The following SMIM27 variants were observed in gnomAD, a reference collection of about 807,000 sequenced individuals.
SMIM27 encodes the protein TOPORS antisense RNA 1 (non-protein coding).
SMIM27 carries 3 observed loss-of-function variants against 1.8 expected under a neutral mutation model. The observed-to-expected ratio is 1.65, with a 90% confidence interval of 0.75 to 4.28. SMIM27 has a LOEUF of 4.28. SMIM27 is among the 30% of genes most tolerant of loss of function. The probability of loss-of-function intolerance (pLI) is 0.02; values close to 1 mark genes in which losing one functional copy is unlikely to be tolerated. For synonymous variants in SMIM27, 19 were observed against 13.9 expected (o/e 1.37, Z -0.82); for missense variants, 63 against 37.0 (o/e 1.70, Z -1.83).
downstream of SMIM27, among the ~76,000 whole-genome samples, chr9:32,556,264 T>A (rs192083957): frequency 2.5e-4 from 38 of 152,274 alleles, no homozygotes; most frequent in African/African-American, 8.7e-4. Flanking sequence ...CAGATAATAT[T>A]TGGGAAGATG....
At chr9:32,563,391 GAGTAC>G in intron 1 of SMIM27, among the ~76,000 whole-genome samples, 1 of 151,496 alleles carries the variant, frequency 6.6e-6, no homozygotes, top group East Asian at 1.9e-4. Flanking sequence ...AGGATGGCTG[GAGTAC>G]AGTGGGCAGC....
chr9:32,551,728 T>A (rs898759801), upstream of SMIM27: 40 of 422,330 alleles, frequency 9.5e-5, no homozygotes, highest in Admixed American at 5.7e-4. Context: ...TGCTCGGGGC[T>A]TAGTATCTCA....
At chr9:32,559,025 A>G in intron 1 of SMIM27, 1 of 1,107,170 alleles carries the variant, frequency 9.0e-7, no homozygotes, top group Non-Finnish European at 1.3e-6. Flanking sequence ...AATAGGTCAT[A>G]CCCCAAATTT....
In SMIM27 at chr9:32,566,063, G is replaced by C. The variant is rs1821777456; in HGVS notation, c.46-328G>C. On this transcript the variant is annotated intron_variant, in intron 1 of 1. Coordinates refer to the SMIM27 transcript ENST00000451672. ...TTAAGGTTTTTTCCAGGAGCTACTG[G>C]AGTGACCAAAAAAAAAAAAAGGCAC... The C allele has an allele frequency of 1.2e-5, 5 of 411,120 alleles. No individual in the cohort carries two copies. The South Asian group carries it at 1.3e-4, about 10-fold the overall frequency. 25.5% of individuals were successfully genotyped at this position (411,120 alleles called of 1,614,324 possible).
chr9:32,553,489 G>A (rs572171226), downstream of SMIM27: 117 of 196,282 alleles, frequency 6.0e-4, no homozygotes, highest in Non-Finnish European at 1.0e-3. Flanking sequence ...GCGCCTGGCC[G>A]GAAAGATTTC....
chr9:32,559,950 A>C (rs1821581347), intron 1 of SMIM27, among the ~76,000 whole-genome samples: 1 of 152,194 alleles, frequency 6.6e-6, no homozygotes, highest in South Asian at 2.1e-4. Flanking sequence ...TTATGCATAT[A>C]CATCTGCACA....
rs145570231 is a variant in SMIM27 at position 32,558,912 on chromosome 9, G to A, written c.45+6433G>A. 3.9e-5 allele frequency: 62 copies of A among 1,571,434 alleles called. No homozygotes were observed. In the African/African-American group the frequency reaches 7.7e-4, roughly 20 times the overall value. ...AAATCAGAAGTGTTAAGACTTACAG[G>A]GAATATTCTGGACTTCTTTTCAACT... On this transcript the variant is annotated intron_variant, in intron 1 of 1. Coordinates refer to the SMIM27 transcript ENST00000451672.
chr9:32,554,996 C>G (rs1160619260), downstream of SMIM27, among the ~76,000 whole-genome samples: 2 of 151,768 alleles, frequency 1.3e-5, no homozygotes, highest in Admixed American at 6.6e-5. Context: ...CTTTAAGAAG[C>G]ATGAGCTCAG....
chr9:32,560,141 A>G (rs1248404289), intron 1 of SMIM27, among the ~76,000 whole-genome samples: 1 of 152,242 alleles, frequency 6.6e-6, no homozygotes, highest in Non-Finnish European at 1.5e-5. Flanking sequence ...CAAAGGAGTG[A>G]GCTGAAGCAA....
chr9:32,566,785 C>G, exon 2 of SMIM27: 1 of 915,518 alleles, frequency 1.1e-6, no homozygotes, highest in Non-Finnish European at 1.8e-6. Context: ...TTCTGGCTGA[C>G]GTTGTACAGG....
At chr9:32,553,889 T>C, downstream of SMIM27, 1 of 1,590,544 alleles carries the variant, frequency 6.3e-7, no homozygotes, top group Non-Finnish European at 8.6e-7. Flanking sequence ...ATGATGTTGA[T>C]CAGGAAATTC....
intron 1 of SMIM27, among the ~76,000 whole-genome samples, chr9:32,564,436 C>T (rs1434810261): frequency 6.6e-6 from 1 of 151,732 alleles, no homozygotes; most frequent in African/African-American, 2.4e-5. Context: ...CTATCAGTGC[C>T]ATTTTTCTTT....
downstream of SMIM27, among the ~76,000 whole-genome samples, chr9:32,556,404 T>C (rs10813833): frequency 0.21 from 31,620 of 152,224 alleles, 3,474 homozygotes; most frequent in Non-Finnish European, 0.25. Flanking sequence ...TCATATTCGA[T>C]AGGCACGGCT....
upstream of SMIM27, chr9:32,552,260 A>G: frequency 1.2e-6 from 1 of 841,158 alleles, no homozygotes; most frequent in Non-Finnish European, 1.9e-6. Context: ...ATCACGTGAT[A>G]CCGCCCCCCA....
exon 2 of SMIM27, chr9:32,566,617 C>A: frequency 1.3e-6 from 1 of 788,840 alleles, no homozygotes. Flanking sequence ...TCCTCCTGAG[C>A]CTCTGCACCC....
chr9:32,558,212 C>T (rs1821525914), intron 1 of SMIM27, among the ~76,000 whole-genome samples: 1 of 151,660 alleles, frequency 6.6e-6, no homozygotes, highest in Non-Finnish European at 1.5e-5. Context: ...CCCAGGTTCA[C>T]GCCATTCTCC....
chr9:32,566,378 C>G, intron 1 of SMIM27: 1 of 1,100,466 alleles, frequency 9.1e-7, no homozygotes, highest in Non-Finnish European at 1.4e-6. Flanking sequence ...TTTGTTTCCA[C>G]TATGTGATCC....
At chr9:32,566,483 G>A in exon 2 of SMIM27, 2 of 793,078 alleles carry the variant, frequency 2.5e-6, no homozygotes, top group Non-Finnish European at 4.6e-6. Context: ...AAGGGACCCT[G>A]GCAGGAGAAC....
At chr9:32,557,539 C>T (rs1235496539), downstream of SMIM27, among the ~76,000 whole-genome samples, 3 of 151,374 alleles carry the variant, frequency 2.0e-5, no homozygotes, top group Non-Finnish European at 4.4e-5. Flanking sequence ...GAGTGCAGTG[C>T]CACGATCTCA....
Sources: gnomAD v4.1 joint callset for allele counts (sites outside exome capture counted in the v4.1 genomes callset) on GRCh38, gnomAD v4.1.1 for gene constraint, MANE v1.5 for transcripts, NCBI Gene and HGNC (gene_info 2026-07-23, HGNC 2026-07-21) for gene names.